The following CNOT1 variants were observed in gnomAD, a reference collection of about 807,000 sequenced individuals.
The protein encoded by CNOT1 is CCR4-associated factor 1.
CNOT1 carries 15 observed loss-of-function variants against 273.8 expected under a neutral mutation model. The observed-to-expected ratio is 0.05, with a 90% CI of 0.04 to 0.08. The LOEUF is 0.08. Among genes scored for constraint, CNOT1 ranks in the 10% least tolerant of loss-of-function variants. The pLI is 1.00. For synonymous variants in CNOT1, 1,022 were observed against 1,005.5 expected (o/e 1.02, Z -0.31); for missense variants, 1,644 against 2,912.2 (o/e 0.56, Z 10.02).
chr16:58,545,227 A>T (rs1366767094), intron 30 of CNOT1, 134 bp downstream of exon 30: 2 of 1,414,126 alleles, frequency 1.4e-6, no homozygotes, highest in Non-Finnish European at 1.9e-6. Context: ...GCAGTTCTAG[A>T]TCTCCATCCT....
At chr16:58,568,352 G>T (rs1280432244) in intron 16 of CNOT1, among the ~76,000 whole-genome samples, 1 of 140,184 alleles carries the variant, frequency 7.1e-6, no homozygotes, top group Non-Finnish European at 1.5e-5. Context: ...TGGGCAACAA[G>T]AGCGAAACTC....
intron 1 of CNOT1, among the ~76,000 whole-genome samples, chr16:58,604,701 G>A (rs2042606198): frequency 1.3e-5 from 2 of 150,846 alleles, no homozygotes; most frequent in Non-Finnish European, 2.9e-5. Context: ...GGAGGCTGAG[G>A]CAGAATAATT....
intron 1 of CNOT1, among the ~76,000 whole-genome samples, chr16:58,616,940 T>C (rs1237140263): frequency 6.6e-6 from 1 of 152,072 alleles, no homozygotes; most frequent in African/African-American, 2.4e-5. Flanking sequence ...TAATGAGAAA[T>C]CTGAACCTCA....
chr16:58,531,667 G>A (rs1329071322), intron 42 of CNOT1, among the ~76,000 whole-genome samples: 1 of 151,332 alleles, frequency 6.6e-6, no homozygotes, highest in African/African-American at 2.4e-5. Flanking sequence ...TGTATATAAA[G>A]AAGCAAAACA....
At chr16:58,598,136 C>T (rs2042326518) in intron 2 of CNOT1, among the ~76,000 whole-genome samples, 1 of 151,782 alleles carries the variant, frequency 6.6e-6, no homozygotes, top group Non-Finnish European at 1.5e-5. Context: ...CAGTGGCTCA[C>T]ACCTGTAATC....
rs1483179226 is a variant in CNOT1 at position 58,520,298 on chromosome 16, A to AC, written c.*659dup. On this transcript the variant is annotated 3_prime_UTR_variant, in exon 49 of 49. Transcript: ENST00000317147. ...TGGTTTCCCTTTATATAAAGAGCTG[A>AC]CCCCCATCTCAGGCGGCTGAGGTGT... 10 of 152,102 alleles carry AC rather than the reference A, an allele frequency of 6.6e-5. No individual in the cohort carries two copies. The highest frequency in any genetic ancestry group is 1.5e-4 in the African/African-American group (6 of 41,352). 9.4% of individuals were successfully genotyped at this position (152,102 alleles called of 1,614,324 possible).
chr16:58,530,782 C>CAA (rs11289232), intron 42 of CNOT1: 3 of 127,556 alleles, frequency 2.4e-5, no homozygotes, highest in Non-Finnish European at 5.3e-5. Flanking sequence ...AAAACTCCAT[C>CAA]AAAAAAAAAA....
chr16:58,545,230 T>G, intron 30 of CNOT1, 131 bp downstream of exon 30: 3 of 1,432,456 alleles, frequency 2.1e-6, no homozygotes, highest in Non-Finnish European at 2.8e-6. Flanking sequence ...GTTCTAGATC[T>G]CCATCCTCTC....
chr16:58,548,501 A>G (rs1279339056), intron 25 of CNOT1: 1 of 516,170 alleles, frequency 1.9e-6, no homozygotes, highest in African/African-American at 1.9e-5. Flanking sequence ...AAATAGAGCC[A>G]TGTTCCTTAA....
At chr16:58,557,850 C>G (rs1378046469) in intron 18 of CNOT1, among the ~76,000 whole-genome samples, 1 of 151,978 alleles carries the variant, frequency 6.6e-6, no homozygotes, top group African/African-American at 2.4e-5. Context: ...ATTAGCATGG[C>G]ATGGTGGCGG....
At chr16:58,619,387 G>T (rs2043218275) in intron 1 of CNOT1, among the ~76,000 whole-genome samples, 1 of 150,856 alleles carries the variant, frequency 6.6e-6, no homozygotes, top group Admixed American at 6.6e-5. Flanking sequence ...ACCATTAATT[G>T]TAAAAGAGCA....
At chr16:58,617,812 C>T (rs771727221) in intron 1 of CNOT1, among the ~76,000 whole-genome samples, 1 of 152,136 alleles carries the variant, frequency 6.6e-6, no homozygotes, top group Non-Finnish European at 1.5e-5. Flanking sequence ...TCAAGACCAG[C>T]TTGGGCAACA....
rs541298073 is a variant in CNOT1 at position 58,594,999 on chromosome 16, C to T, written c.102+4237G>A. Among the ~76,000 whole-genome samples, 28 of 151,540 alleles carry T rather than the reference C, an allele frequency of 1.8e-4. 1 individual carries two copies. In the East Asian group the frequency reaches 4.1e-3, roughly 22 times the overall value. ...GCATGGTGGCAGGCACCTGCAATCTCAGCTACTTGGGAGGCTGAGGCAGAG... is the reference window on the plus strand; with the variant it reads ...GCATGGTGGCAGGCACCTGCAATCTTAGCTACTTGGGAGGCTGAGGCAGAG... On this transcript the variant is annotated intron_variant, in intron 2 of 48. Transcript: ENST00000317147.
intron 36 of CNOT1, 72 bp downstream of exon 36, chr16:58,538,700 A>AT: frequency 1.9e-6 from 3 of 1,584,194 alleles, no homozygotes; most frequent in Non-Finnish European, 2.6e-6. Context: ...ACCCCTGGAC[A>AT]TAAACAGTAC....
At chr16:58,563,273 T>C (rs1053680736) in intron 16 of CNOT1, among the ~76,000 whole-genome samples, 2 of 152,250 alleles carry the variant, frequency 1.3e-5, no homozygotes, top group Non-Finnish European at 2.9e-5. Context: ...TGTGTTATAA[T>C]TGCCTTCAGT....
chr16:58,551,203 G>T lies in CNOT1; in HGVS notation c.3271C>A (p.Pro1091Thr). Reference sequence around the variant, plus strand: ...ATTTTCTCCTGGATATTTTCTGGGGGCTCCACAATTCTCTCAGTTTGATCT... The same window carrying T: ...ATTTTCTCCTGGATATTTTCTGGGGTCTCCACAATTCTCTCAGTTTGATCT... ...ATDQTERIVE[P>T]PENIQEKIAF... The change falls in exon 24 of 49, where the codon CCC becomes ACC. Residue 1091 changes from proline to threonine, a missense_variant. Physicochemically the swap from Pro to Thr is conservative, Grantham distance 38 (BLOSUM62 -1). This residue lies in a region of CNOT1 where 124 missense variants were observed against 289.3 expected (regional missense o/e 0.43). Transcript: ENST00000317147. 1 of 1,609,386 alleles carries T rather than the reference G, an allele frequency of 6.2e-7. No homozygotes were observed. Among genetic ancestry groups the T allele is most frequent in the South Asian group, 1.1e-5 (1 of 89,730 alleles).
At chr16:58,604,978 T>C (rs983615697) in intron 1 of CNOT1, among the ~76,000 whole-genome samples, 15 of 143,820 alleles carry the variant, frequency 1.0e-4, no homozygotes, top group Non-Finnish European at 1.8e-4. Flanking sequence ...CTACTAAAAA[T>C]ACAAAAAAGT....
In CNOT1 at chr16:58,615,541, T is replaced by C. The variant is rs1255530785; in HGVS notation, c.-175+14187A>G. The stretch of plus-strand genomic sequence containing the variant: ...GAGATGACAGACGAAGGGAGACTTC[T>C]TGAATTATTGCACAGGATCCTCAAT... On this transcript the variant is annotated intron_variant, in intron 1 of 48. Coordinates refer to ENST00000317147, the MANE Select transcript of CNOT1 (RefSeq NM_016284.5). Among the ~76,000 whole-genome samples, 5 of 125,030 alleles carry C rather than the reference T, an allele frequency of 4.0e-5. 1 individual carries two copies. The highest frequency in any genetic ancestry group is 1.1e-4 in the African/African-American group (4 of 37,180). 82.0% of individuals were successfully genotyped at this position (125,030 alleles called of 152,430 possible).
At chr16:58,618,600 G>A (rs2043181818) in intron 1 of CNOT1, among the ~76,000 whole-genome samples, 1 of 151,402 alleles carries the variant, frequency 6.6e-6, no homozygotes, top group Non-Finnish European at 1.5e-5. Flanking sequence ...AAAATTAGCA[G>A]GGCATGTTGG....
Sources: allele counts gnomAD v4.1 joint callset (sites outside exome capture counted in the v4.1 genomes callset), GRCh38; gene constraint gnomAD v4.1.1; regional missense constraint gnomAD v4.1.1; transcripts MANE v1.5; gene names NCBI Gene and HGNC (gene_info 2026-07-23, HGNC 2026-07-21).